Variants in ELF5 observed in about 807,000 individuals in gnomAD.
ELF5 encodes the protein ETS-related transcription factor Elf-5.
ELF5 carries 31 observed loss-of-function variants against 38.2 expected under a neutral mutation model. The ratio of observed to expected loss-of-function variants is 0.81; its 90% CI spans 0.61 to 1.10. ELF5 has a LOEUF of 1.10. ELF5 is among the 50% of genes least tolerant of loss of function. ELF5 has a pLI of 0.00. For synonymous variants in ELF5, 121 were observed against 112.5 expected (o/e 1.08, Z -0.48); for missense variants, 300 against 306.6 (o/e 0.98, Z 0.16).
At chr11:34,497,563 T>C (rs1850348556) in intron 2 of ELF5, among the ~76,000 whole-genome samples, 1 of 152,230 alleles carries the variant, frequency 6.6e-6, no homozygotes, top group Non-Finnish European at 1.5e-5. Flanking sequence ...CTTTCAGAGC[T>C]GGGTGGGTGC....
intron 1 of ELF5, among the ~76,000 whole-genome samples, chr11:34,509,680 T>A (rs1333425234): frequency 1.3e-5 from 2 of 152,076 alleles, no homozygotes; most frequent in African/African-American, 4.8e-5. Context: ...GGGAAGGGCC[T>A]CAGGAGCTGA....
intron 2 of ELF5, among the ~76,000 whole-genome samples, chr11:34,498,885 A>G (rs112191820): frequency 1.7e-3 from 258 of 152,256 alleles, no homozygotes; most frequent in African/African-American, 6.1e-3. Context: ...TGAGGTCAGG[A>G]GTTCAAGACC....
chr11:34,503,983 G>A (rs1195175131), intron 2 of ELF5, among the ~76,000 whole-genome samples: 1 of 152,184 alleles, frequency 6.6e-6, no homozygotes, highest in African/African-American at 2.4e-5. Flanking sequence ...ATGACACAGA[G>A]CCGCTGCTTC....
In ELF5 at chr11:34,480,418, C is replaced by T. The variant is rs538568629; in HGVS notation, c.672-104G>A. 73 of 901,860 alleles carry T rather than the reference C, an allele frequency of 8.1e-5. 1 individual carries two copies. The East Asian group carries it at 1.1e-3, about 14-fold the overall frequency. The allele number at this position is 901,860 out of a possible 1,614,324, so 55.9% of individuals were successfully genotyped here. On this transcript the variant is annotated intron_variant, in intron 6 of 6. Coordinates refer to ENST00000257832, the MANE Select transcript of ELF5 (RefSeq NM_001422.4). ...ATTCCTCTCAGGTGACAAGGCTGGTCTTTGGTTACCCTGGTATTTTCATGC... is the reference window on the plus strand; with the variant it reads ...ATTCCTCTCAGGTGACAAGGCTGGTTTTTGGTTACCCTGGTATTTTCATGC...
intron 3 of ELF5, among the ~76,000 whole-genome samples, chr11:34,490,822 C>T (rs546119475): frequency 2.6e-5 from 4 of 152,208 alleles, no homozygotes; most frequent in Admixed American, 6.5e-5. Context: ...TTATTCTTGG[C>T]GTCATGTTCT....
chr11:34,512,210 G>A (rs1044664768), intron 1 of ELF5, among the ~76,000 whole-genome samples: 2 of 152,082 alleles, frequency 1.3e-5, no homozygotes, highest in African/African-American at 4.8e-5. Flanking sequence ...TTGGGTGCTT[G>A]AGGGTTTGTT....
intron 1 of ELF5, among the ~76,000 whole-genome samples, chr11:34,508,303 A>T (rs1850659884): frequency 6.6e-6 from 1 of 152,074 alleles, no homozygotes; most frequent in Non-Finnish European, 1.5e-5. Context: ...GGAGTTCAAG[A>T]CCAGCCTGGT....
In ELF5 at chr11:34,505,649, G is replaced by A. The variant is rs1228039522; in HGVS notation, c.101C>T (p.Pro34Leu). 1 of 1,613,896 alleles carries A rather than the reference G, an allele frequency of 6.2e-7. No individual in the cohort carries two copies. Among genetic ancestry groups the A allele is most frequent in the African/African-American group, 1.3e-5 (1 of 74,934 alleles). ...CGCACCTGTCTGATGCTCAAAGGCA[G>A]GGTAGTACTCTTCATTGCTGAACAG... The part of the protein sequence containing the change: ...TDLFSNEEYY[P>L]AFEHQTACDS... Residue 34 changes from proline to leucine, a missense_variant, in exon 2 of 7, where the codon CCT (proline) becomes CTT (leucine). Transcript: ENST00000257832.
rs771741870 is a variant in ELF5 at position 34,505,773 on chromosome 11, C to T, written c.-4-20G>A. The T allele has an allele frequency of 2.2e-5, 35 of 1,609,870 alleles. No individual in the cohort carries two copies. In the Admixed American group the frequency reaches 2.4e-4, roughly 11 times the overall value. On this transcript the variant is annotated intron_variant, in intron 1 of 6. Transcript: ENST00000257832. ...ATTACCCTGCAACAGCAGGAGAGGT[C>T]GTGAGGAGGCTGGGGTGAGGTACTC...
intron 4 of ELF5, among the ~76,000 whole-genome samples, chr11:34,482,886 C>T (rs1856973047): frequency 6.6e-6 from 1 of 152,074 alleles, no homozygotes; most frequent in Non-Finnish European, 1.5e-5. Flanking sequence ...AGCAAAGAGA[C>T]TAGAGCTTAT....
chr11:34,496,405 C>T (rs1293924516), intron 2 of ELF5, among the ~76,000 whole-genome samples: 1 of 151,522 alleles, frequency 6.6e-6, no homozygotes, highest in East Asian at 1.9e-4. Context: ...GGGTCCCATC[C>T]TCAGGACGGG....
intron 4 of ELF5, among the ~76,000 whole-genome samples, chr11:34,484,467 T>G (rs1341885922): frequency 1.4e-5 from 1 of 69,488 alleles, no homozygotes; most frequent in African/African-American, 9.8e-5. Context: ...TACTGTACTG[T>G]GCTACACTAT....
chr11:34,501,989 G>T (rs901309425), intron 2 of ELF5, among the ~76,000 whole-genome samples: 1 of 152,084 alleles, frequency 6.6e-6, no homozygotes, highest in Non-Finnish European at 1.5e-5. Flanking sequence ...AGAAGCTTGA[G>T]ATGGAGTTTT....
intron 3 of ELF5, among the ~76,000 whole-genome samples, chr11:34,491,075 C>A (rs1276156073): frequency 6.6e-6 from 1 of 152,144 alleles, no homozygotes; most frequent in African/African-American, 2.4e-5. Flanking sequence ...CATAAAACTG[C>A]CTTATTCTGT....
intron 1 of ELF5, 81 bp from the exon 2 acceptor site, chr11:34,505,834 G>A (rs946000167): frequency 1.9e-5 from 28 of 1,478,986 alleles, no homozygotes; most frequent in East Asian, 7.3e-5. Flanking sequence ...CTAGCAGGGC[G>A]ATACTTGTTT....
chr11:34,512,484 C>T (rs182751730), intron 1 of ELF5, among the ~76,000 whole-genome samples: 11 of 152,066 alleles, frequency 7.2e-5, no homozygotes, highest in Admixed American at 5.2e-4. Flanking sequence ...TTCTTACTAC[C>T]CAGACTGCTG....
rs1272740424 is a variant in ELF5, at chr11:34,479,136, T to A, written c.*1082A>T. ...ATTTTTGTCAAGGAAATACGTGTTA[T>A]AGCGCTTGAATACACATCAGGTAGA... On this transcript the variant is annotated 3_prime_UTR_variant, in exon 7 of 7. Coordinates refer to ENST00000257832, the MANE Select transcript of ELF5 (RefSeq NM_001422.4). The A allele has an allele frequency of 6.6e-6, 1 of 152,666 alleles. No homozygotes were observed. The allele number at this position is 152,666 out of a possible 1,614,324, so 9.5% of individuals were successfully genotyped here.
At chr11:34,511,762 G>C (rs1850764936) in intron 1 of ELF5, 1 of 618,818 alleles carries the variant, frequency 1.6e-6, no homozygotes, top group African/African-American at 1.9e-5. Flanking sequence ...CCCCTGCTCA[G>C]CCTCCCAGAG....
intron 4 of ELF5, among the ~76,000 whole-genome samples, chr11:34,489,348 C>A (rs1390255369): frequency 1.3e-5 from 2 of 152,298 alleles, no homozygotes; most frequent in East Asian, 1.9e-4. Flanking sequence ...TCCCTCTCTG[C>A]AGATGACTGA....
Sources: gnomAD v4.1 joint callset for allele counts (sites outside exome capture counted in the v4.1 genomes callset) on GRCh38, gnomAD v4.1.1 for gene constraint, MANE v1.5 for transcripts, NCBI Gene and HGNC (gene_info 2026-07-23, HGNC 2026-07-21) for gene names.